The following PCDH15 variants were observed in gnomAD, a reference collection of about 807,000 sequenced individuals.
PCDH15 encodes protocadherin related 15.
Under a neutral mutation model 178.5 loss-of-function variants are expected in PCDH15, and 129 were observed. The observed-to-expected ratio is 0.72, with a 90% confidence interval of 0.63 to 0.84. The LOEUF (loss-of-function observed/expected upper bound fraction) is 0.84, where lower values mean the gene tolerates loss of function less well. Among genes scored for constraint, PCDH15 ranks in the 40% least tolerant of loss-of-function variants. The pLI, the probability that PCDH15 is intolerant of heterozygous loss-of-function variation, is 0.00. For synonymous variants in PCDH15, 800 were observed against 732.0 expected (o/e 1.09, Z -1.50); for missense variants, 2,230 against 2,099.9 (o/e 1.06, Z -1.21).
At chr10:55,261,757 T>A (rs1462217432) in intron 1 of PCDH15, among the ~76,000 whole-genome samples, 3 of 152,162 alleles carry the variant, frequency 2.0e-5, no homozygotes, top group Non-Finnish European at 4.4e-5. Flanking sequence ...GGGTAATAAG[T>A]TTTTCTAAAT....
chr10:55,599,905 C>T (rs1452092476), intron 2 of PCDH15: 1 of 1,519,858 alleles, frequency 6.6e-7, no homozygotes, highest in Admixed American at 2.1e-5. Context: ...TATGAATGGC[C>T]ACACCAGGGT....
At chr10:55,395,517 G>T (rs1018571948) in intron 2 of PCDH15, among the ~76,000 whole-genome samples, 2 of 151,966 alleles carry the variant, frequency 1.3e-5, no homozygotes, top group African/African-American at 4.8e-5. Flanking sequence ...GAAGATAAAT[G>T]GAATACATTA....
intron 2 of PCDH15, among the ~76,000 whole-genome samples, chr10:55,071,784 G>T (rs867766887): frequency 2.6e-5 from 4 of 151,926 alleles, no homozygotes; most frequent in African/African-American, 4.8e-5. Context: ...CCCAAATCAA[G>T]AGAATATACA....
chr10:55,522,067 A>C (rs1841188980), intron 2 of PCDH15, among the ~76,000 whole-genome samples: 1 of 151,956 alleles, frequency 6.6e-6, no homozygotes, highest in African/African-American at 2.4e-5. Flanking sequence ...ATATCTAGAA[A>C]TAGAATTGCT....
chr10:55,604,313 A>T (rs1843157270), intron 2 of PCDH15, among the ~76,000 whole-genome samples: 1 of 136,320 alleles, frequency 7.3e-6, no homozygotes, highest in East Asian at 2.3e-4. Context: ...TTAACACCCC[A>T]CTGTCAACAT....
At chr10:55,302,704 C>T (rs1588894393) in intron 1 of PCDH15, among the ~76,000 whole-genome samples, 1 of 152,154 alleles carries the variant, frequency 6.6e-6, no homozygotes, top group Non-Finnish European at 1.5e-5. Context: ...TCCAGACTAG[C>T]ATTTGACCAA....
chr10:55,218,920 A>G (rs1430655936), intron 1 of PCDH15, among the ~76,000 whole-genome samples: 1 of 152,044 alleles, frequency 6.6e-6, no homozygotes, highest in Non-Finnish European at 1.5e-5. Context: ...TCATATGTAA[A>G]TGACAGCCAA....
At chr10:54,489,446 T>C (rs999745725) in intron 3 of PCDH15, among the ~76,000 whole-genome samples, 7 of 152,158 alleles carry the variant, frequency 4.6e-5, no homozygotes, top group African/African-American at 1.7e-4. Context: ...TAATTATAGT[T>C]GTTGGATATG....
At position 55,179,547 on chromosome 10, in the gene PCDH15, T is replaced by TC. The variant is rs369937434; in HGVS notation, c.-155-12897dup. Among the ~76,000 whole-genome samples, 18 of 122,830 alleles carry TC rather than the reference T, an allele frequency of 1.5e-4. No homozygotes were observed. In the East Asian group the frequency reaches 2.6e-3, roughly 18 times the overall value. The allele number at this position is 122,830 out of a possible 152,430, so 80.6% of individuals were successfully genotyped here. A position where few individuals can be genotyped will look rare whatever the true frequency, so the allele number is the denominator to read the frequency against. On this transcript the variant is annotated intron_variant, in intron 1 of 5. Coordinates refer to the PCDH15 transcript ENST00000458638. The stretch of plus-strand genomic sequence containing the variant: ...TGCTCATGGACAATTCAGCACACAC[T>TC]CCCCCCCATTCTAAGCCCATAGAAA...
At chr10:54,027,350 A>G (rs1212752105) in intron 18 of PCDH15, among the ~76,000 whole-genome samples, 1 of 151,946 alleles carries the variant, frequency 6.6e-6, no homozygotes, top group Non-Finnish European at 1.5e-5. Context: ...AATATCGTGA[A>G]AATGGCCATA....
intron 26 of PCDH15, 75 bp from the exon 27 acceptor site, chr10:53,866,932 T>C: frequency 9.6e-7 from 1 of 1,043,656 alleles, no homozygotes; most frequent in Non-Finnish European, 1.5e-6. Flanking sequence ...CTTACTTTTG[T>C]TTGTAAGAAT....
intron 2 of PCDH15, among the ~76,000 whole-genome samples, chr10:55,349,723 G>T (rs1001170994): frequency 1.3e-5 from 2 of 152,016 alleles, no homozygotes; most frequent in East Asian, 3.9e-4. Context: ...TATTTATAAA[G>T]ATTTTTCATT....
chr10:54,667,128 G>A (rs983121467), intron 1 of PCDH15, among the ~76,000 whole-genome samples: 6 of 151,848 alleles, frequency 4.0e-5, no homozygotes, highest in Non-Finnish European at 8.8e-5. Context: ...AATTTTAGGG[G>A]AAATATTATA....
intron 2 of PCDH15, among the ~76,000 whole-genome samples, chr10:55,146,944 C>T (rs1838530318): frequency 6.6e-6 from 1 of 151,074 alleles, no homozygotes; most frequent in Non-Finnish European, 1.5e-5. Flanking sequence ...GGGGGGAAGA[C>T]CTGGAATGCA....
chr10:54,285,955 G>T (rs1315089482), intron 8 of PCDH15, among the ~76,000 whole-genome samples: 1 of 152,122 alleles, frequency 6.6e-6, no homozygotes, highest in Non-Finnish European at 1.5e-5. Flanking sequence ...GGCACAGAAA[G>T]ACAAATACCA....
chr10:54,080,381 T>C lies in PCDH15; in HGVS notation c.1998-957A>G, dbSNP rs550625498. ...AGTTTGGCTTGCTCTCTAATGTAGG[T>C]TCTACATTTATTTCTTAAATTTTAC... On this transcript the variant is annotated intron_variant, in intron 16 of 37. Coordinates refer to ENST00000644397, the MANE Select transcript of PCDH15 (RefSeq NM_001384140.1). Among the ~76,000 whole-genome samples, 9 of 152,284 alleles carry C rather than the reference T, an allele frequency of 5.9e-5. No individual in the cohort carries two copies. The South Asian group carries it at 1.9e-3, about 32-fold the overall frequency.
intron 2 of PCDH15, among the ~76,000 whole-genome samples, chr10:55,461,960 T>C (rs1328380749): frequency 6.6e-6 from 1 of 152,020 alleles, no homozygotes; most frequent in Non-Finnish European, 1.5e-5. Flanking sequence ...ACTACCAACT[T>C]TAGAGAATTC....
At chr10:54,830,599 G>A (rs550138417) in intron 3 of PCDH15, among the ~76,000 whole-genome samples, 15 of 152,026 alleles carry the variant, frequency 9.9e-5, no homozygotes, top group East Asian at 9.7e-4. Context: ...TGGGGGTAGG[G>A]GGGAGGGATA....
chr10:53,863,621 T>C (rs138424620), intron 27 of PCDH15, among the ~76,000 whole-genome samples: 2 of 151,906 alleles, frequency 1.3e-5, no homozygotes, highest in East Asian at 3.9e-4. Context: ...AATAGAAAAA[T>C]GGATGGCAGC....
Sources: gnomAD v4.1 joint callset for allele counts (sites outside exome capture counted in the v4.1 genomes callset) on GRCh38, gnomAD v4.1.1 for gene constraint, MANE v1.5 for transcripts, NCBI Gene and HGNC (gene_info 2026-07-23, HGNC 2026-07-21) for gene names.